COX7B2: variants seen among roughly 807,000 people sequenced by gnomAD.
The protein encoded by COX7B2 is cytochrome c oxidase subunit 7B2, mitochondrial.
For missense variants in COX7B2, 109 were observed against 95.9 expected, an observed-to-expected ratio of 1.14 and a Z score of -0.57; for synonymous variants, 37 against 32.1, an observed-to-expected ratio of 1.15 and a Z score of -0.51.
At position 46,735,034 on chromosome 4, in the gene COX7B2, T is replaced by C; in HGVS notation, c.159A>G (p.Thr53=). The C allele has an allele frequency of 6.2e-7, 1 of 1,614,094 alleles. No individual in the cohort carries two copies. Among genetic ancestry groups the C allele is most frequent in the Non-Finnish European group, 8.5e-7 (1 of 1,179,958 alleles). The part of the protein sequence containing the change: ...LASGTAFCVA[T]WVFTATQIGI... ...CAATCTGAGTGGCTGTAAACACCCA[T>C]GTAGCAACACAGAAAGCAGTTCCAC... The change falls in exon 3 of 3, where the codon ACA becomes ACG. Residue 53 remains threonine (T), a synonymous_variant. Transcript: ENST00000355591.
chr4:46,792,390 T>C (rs1323709770), intron 2 of COX7B2, among the ~76,000 whole-genome samples: 1 of 152,146 alleles, frequency 6.6e-6, no homozygotes, highest in Non-Finnish European at 1.5e-5. Flanking sequence ...AATGGGTGGA[T>C]TGAGTAAAGC....
At chr4:46,817,647 C>G (rs1719624307) in intron 2 of COX7B2, among the ~76,000 whole-genome samples, 1 of 152,158 alleles carries the variant, frequency 6.6e-6, no homozygotes, top group Non-Finnish European at 1.5e-5. Context: ...CTCAAATACT[C>G]TTCCCTCTTA....
At chr4:46,904,973 G>A (rs1489634507) in intron 1 of COX7B2, among the ~76,000 whole-genome samples, 1 of 152,150 alleles carries the variant, frequency 6.6e-6, no homozygotes, top group Non-Finnish European at 1.5e-5. Context: ...ACTTACTTAT[G>A]ACTCTGAAGC....
At chr4:46,859,558 A>G (rs902397700) in intron 1 of COX7B2, among the ~76,000 whole-genome samples, 4 of 152,232 alleles carry the variant, frequency 2.6e-5, no homozygotes, top group Non-Finnish European at 4.4e-5. Flanking sequence ...TGTCATATTT[A>G]TGAGATTAAT....
chr4:46,873,223 T>C (rs963101002), intron 1 of COX7B2, among the ~76,000 whole-genome samples: 4 of 152,170 alleles, frequency 2.6e-5, no homozygotes, highest in Non-Finnish European at 5.9e-5. Context: ...CAGTCTATCA[T>C]TGCTGAACAT....
intron 2 of COX7B2, among the ~76,000 whole-genome samples, chr4:46,782,856 A>G (rs1717555805): frequency 6.6e-6 from 1 of 152,134 alleles, no homozygotes; most frequent in Non-Finnish European, 1.5e-5. Flanking sequence ...GAAACTCCGG[A>G]CACATCTGAA....
rs577376192 is a variant in COX7B2, at chr4:46,862,327, G to C, written c.-104-17313C>G. Among the ~76,000 whole-genome samples, 9 of 152,292 alleles carry C rather than the reference G, an allele frequency of 5.9e-5. No individual in the cohort carries two copies. In the South Asian group the frequency reaches 1.4e-3, roughly 25 times the overall value. On this transcript the variant is annotated intron_variant, in intron 1 of 2. Transcript: ENST00000355591. ...ATCTTTGAAGAAATAATTGAATCCA[G>C]CTATATTTTATAAAGTGGTGAATTT...
intron 2 of COX7B2, among the ~76,000 whole-genome samples, chr4:46,775,010 T>A (rs773225444): frequency 4.6e-4 from 70 of 152,252 alleles, no homozygotes; most frequent in Non-Finnish European, 4.9e-4. Context: ...TTTCCATATC[T>A]ATGAAATAAA....
At chr4:46,791,173 T>C (rs546045875) in intron 2 of COX7B2, among the ~76,000 whole-genome samples, 40 of 150,194 alleles carry the variant, frequency 2.7e-4, no homozygotes, top group African/African-American at 9.5e-4. Context: ...TAATTTTTTG[T>C]ATTTTTTTTT....
intron 2 of COX7B2, among the ~76,000 whole-genome samples, chr4:46,832,072 A>T (rs1254953544): frequency 1.3e-5 from 2 of 152,190 alleles, no homozygotes; most frequent in East Asian, 3.9e-4. Context: ...GGGGCCAGAT[A>T]AGAGAATAAA....
intron 2 of COX7B2, among the ~76,000 whole-genome samples, chr4:46,778,904 G>A (rs919110654): frequency 1.3e-5 from 2 of 152,154 alleles, no homozygotes; most frequent in Non-Finnish European, 2.9e-5. Flanking sequence ...TATGTGCTCC[G>A]ATTCAATAAT....
chr4:46,785,522 G>A (rs931085304), intron 2 of COX7B2, among the ~76,000 whole-genome samples: 4 of 151,886 alleles, frequency 2.6e-5, no homozygotes, highest in South Asian at 4.2e-4. Context: ...ACAGGCACCC[G>A]CCACCACACC....
At chr4:46,870,455 C>T (rs1483741473) in intron 1 of COX7B2, among the ~76,000 whole-genome samples, 1 of 152,122 alleles carries the variant, frequency 6.6e-6, no homozygotes, top group Non-Finnish European at 1.5e-5. Context: ...CTCACCACTG[C>T]TTTTCAACAT....
intron 2 of COX7B2, among the ~76,000 whole-genome samples, chr4:46,817,508 C>A (rs548209969): frequency 5.9e-5 from 9 of 152,280 alleles, no homozygotes; most frequent in African/African-American, 2.2e-4. Context: ...TTACTGTACT[C>A]TTTTCTCTAA....
chr4:46,763,113 A>C (rs1002805149), intron 2 of COX7B2, among the ~76,000 whole-genome samples: 1 of 127,058 alleles, frequency 7.9e-6, no homozygotes, highest in Admixed American at 9.9e-5. Context: ...ATTATATAAT[A>C]TATTACATTA....
At chr4:46,877,477 A>G (rs1718418517) in intron 1 of COX7B2, among the ~76,000 whole-genome samples, 1 of 152,202 alleles carries the variant, frequency 6.6e-6, no homozygotes, top group African/African-American at 2.4e-5. Context: ...TTGTCTTTAC[A>G]CAGATATAGA....
chr4:46,735,459 T>A (rs538404910), intron 2 of COX7B2, among the ~76,000 whole-genome samples: 12 of 152,276 alleles, frequency 7.9e-5, no homozygotes, highest in African/African-American at 2.9e-4. Context: ...CATGTGATAA[T>A]CCAAAAGAAA....
chr4:46,864,253 C>G (rs956416983), intron 1 of COX7B2, among the ~76,000 whole-genome samples: 6 of 152,152 alleles, frequency 3.9e-5, no homozygotes, highest in African/African-American at 1.4e-4. Flanking sequence ...CTGAGTACAC[C>G]TATCCAGGAT....
intron 2 of COX7B2, among the ~76,000 whole-genome samples, chr4:46,759,602 T>C (rs1415735235): frequency 6.6e-6 from 1 of 151,844 alleles, no homozygotes; most frequent in African/African-American, 2.4e-5. Flanking sequence ...AAAAAGCTCA[T>C]CATCGCTGGT....
Sources: allele counts gnomAD v4.1 joint callset (sites outside exome capture counted in the v4.1 genomes callset), GRCh38; gene constraint gnomAD v4.1.1; transcripts MANE v1.5; gene names NCBI Gene and HGNC (gene_info 2026-07-23, HGNC 2026-07-21).